The following SLC3A1 variants were observed in gnomAD, a reference collection of about 807,000 sequenced individuals.
The protein encoded by SLC3A1 is solute carrier family 3 member 1, also known as amino acid transporter heavy chain SLC3A1.
SLC3A1 carries 78 observed loss-of-function variants against 60.3 expected under a neutral mutation model. That is an observed-to-expected ratio of 1.29 (90% CI 1.08 to 1.56). SLC3A1 has a LOEUF of 1.56. Ranked by LOEUF, SLC3A1 falls within the 40% of genes most tolerant of loss-of-function variation. The pLI, the probability that SLC3A1 is intolerant of heterozygous loss-of-function variation, is 0.00. For missense variants in SLC3A1, 1,172 were observed against 858.9 expected (o/e 1.36, Z -4.56); for synonymous variants, 392 against 307.9 (o/e 1.27, Z -2.86).
At chr2:44,317,084 G>C (rs1296922726) in intron 9 of SLC3A1, among the ~76,000 whole-genome samples, 1 of 152,108 alleles carries the variant, frequency 6.6e-6, no homozygotes, top group Non-Finnish European at 1.5e-5. Flanking sequence ...AGCAGTGTTT[G>C]TTTTGCACAG....
intron 4 of SLC3A1, among the ~76,000 whole-genome samples, chr2:44,291,622 G>A (rs1332624984): frequency 6.6e-6 from 1 of 152,138 alleles, no homozygotes; most frequent in East Asian, 1.9e-4. Flanking sequence ...TGGCATGAAG[G>A]AGACTTCTGT....
chr2:44,306,697 G>T (rs1398808666), intron 7 of SLC3A1, among the ~76,000 whole-genome samples: 2 of 151,232 alleles, frequency 1.3e-5, no homozygotes, highest in African/African-American at 4.9e-5. Flanking sequence ...GGGATTACAG[G>T]TGCCCACCAC....
At position 44,284,059 on chromosome 2, in the gene SLC3A1, A is replaced by G. The variant is rs545787527; in HGVS notation, c.766-1973A>G. Reference sequence around the variant, plus strand: ...TTACTATAAACACTGTCATTAATCTATCTTGGGGTACATGTGCAAGGGCTT... The same window carrying G: ...TTACTATAAACACTGTCATTAATCTGTCTTGGGGTACATGTGCAAGGGCTT... On this transcript the variant is annotated intron_variant, in intron 3 of 9. Transcript: ENST00000260649. 2.4e-4 allele frequency among the ~76,000 whole-genome samples: 36 copies of G among 152,138 alleles called. No individual in the cohort carries two copies. The South Asian group carries it at 7.5e-3, about 32-fold the overall frequency.
intron 1 of SLC3A1, among the ~76,000 whole-genome samples, chr2:44,279,849 C>A (rs1475626064): frequency 6.6e-6 from 1 of 152,144 alleles, no homozygotes; most frequent in Admixed American, 6.5e-5. Flanking sequence ...AGGCACGTGC[C>A]ACCATGCCCG....
Position 44,300,014 on chromosome 2 carries a change from G to GTTT in SLC3A1, c.936_938dup (p.Ser312_Leu313insPhe). ...CTCACAAAGGGTGTTGATGGTTTTAGTTTGGATGCTGTTAAATTCCTCCTA... is the reference window on the plus strand; with the variant it reads ...CTCACAAAGGGTGTTGATGGTTTTAGTTTTTTGGATGCTGTTAAATTCCTCCTA... On this transcript the variant is annotated inframe_insertion, in exon 5 of 10. Transcript: ENST00000260649. 6.2e-7 allele frequency: 1 copy of GTTT among 1,613,986 alleles called. No homozygotes were observed.
chr2:44,320,719 G>GTA lies in SLC3A1; in HGVS notation c.*80_*81insTA. 2 of 1,074,122 alleles carry GTA rather than the reference G, an allele frequency of 1.9e-6. No individual in the cohort carries two copies. The highest frequency in any genetic ancestry group is 2.9e-6 in the Non-Finnish European group (2 of 693,168). The allele number at this position is 1,074,122 out of a possible 1,614,324, so 66.5% of individuals were successfully genotyped here. A position where few individuals can be genotyped will look rare whatever the true frequency, so the allele number is the denominator to read the frequency against. On this transcript the variant is annotated 3_prime_UTR_variant, in exon 10 of 10. Coordinates refer to ENST00000260649, the MANE Select transcript of SLC3A1 (RefSeq NM_000341.4). ...GTAATAGCTTCATGTACAGCATGCTGCTTGGTGAACAATCATTAATTCTTC... is the reference window on the plus strand; with the variant it reads ...GTAATAGCTTCATGTACAGCATGCTGTACTTGGTGAACAATCATTAATTCTTC...
chr2:44,283,018 C>T (rs1572791869), intron 3 of SLC3A1, among the ~76,000 whole-genome samples: 1 of 152,016 alleles, frequency 6.6e-6, no homozygotes, highest in African/African-American at 2.4e-5. Flanking sequence ...TGTAACTGGG[C>T]ATCCTGCACT....
intron 4 of SLC3A1, among the ~76,000 whole-genome samples, chr2:44,298,150 C>T (rs1056046657): frequency 1.3e-5 from 2 of 151,502 alleles, no homozygotes; most frequent in East Asian, 3.9e-4. Context: ...TGAGGAAATG[C>T]CATACTATAC....
intron 9 of SLC3A1, chr2:44,318,013 AT>A: frequency 5.6e-6 from 2 of 359,842 alleles, no homozygotes; most frequent in South Asian, 4.0e-5. Flanking sequence ...AAATGAAGTT[AT>A]CTTTTGACCT....
chr2:44,314,032 G>A (rs1436271791), intron 9 of SLC3A1, 81 bp downstream of exon 9: 1 of 1,599,960 alleles, frequency 6.3e-7, no homozygotes, highest in Non-Finnish European at 8.5e-7. Context: ...CACCCTGAAT[G>A]TGTCTAAACC....
intron 7 of SLC3A1, among the ~76,000 whole-genome samples, chr2:44,310,207 A>G (rs1032307339): frequency 2.6e-5 from 4 of 152,084 alleles, no homozygotes; most frequent in African/African-American, 9.7e-5. Flanking sequence ...ATCATATAGT[A>G]CTTCTGTGAT....
chr2:44,282,595 A>G (rs551239998), intron 3 of SLC3A1, among the ~76,000 whole-genome samples: 1 of 152,172 alleles, frequency 6.6e-6, no homozygotes, highest in South Asian at 2.1e-4. Flanking sequence ...TTGGACAAGC[A>G]GTGCATAAAA....
At chr2:44,307,765 C>A (rs138006070) in intron 7 of SLC3A1, among the ~76,000 whole-genome samples, 2 of 152,118 alleles carry the variant, frequency 1.3e-5, no homozygotes, top group African/African-American at 4.8e-5. Flanking sequence ...GTATTTTCTC[C>A]CATTCTGTGG....
chr2:44,284,055 A>G lies in SLC3A1; in HGVS notation c.766-1977A>G, dbSNP rs1199083667. Among the ~76,000 whole-genome samples the G allele has an allele frequency of 4.6e-5, 7 of 152,044 alleles. No homozygotes were observed. The East Asian group carries it at 1.2e-3, about 25-fold the overall frequency. On this transcript the variant is annotated intron_variant, in intron 3 of 9. Transcript: ENST00000260649. ...AATGTTACTATAAACACTGTCATTA[A>G]TCTATCTTGGGGTACATGTGCAAGG...
At chr2:44,279,173 A>G (rs983321890) in intron 1 of SLC3A1, among the ~76,000 whole-genome samples, 3 of 151,584 alleles carry the variant, frequency 2.0e-5, no homozygotes, top group Non-Finnish European at 1.5e-5. Context: ...TAATTTTTGT[A>G]TTTTTTAGTA....
intron 6 of SLC3A1, among the ~76,000 whole-genome samples, chr2:44,301,968 T>A (rs988119626): frequency 6.6e-6 from 1 of 152,108 alleles, no homozygotes; most frequent in African/African-American, 2.4e-5. Flanking sequence ...GGCAGGAGAA[T>A]TGCTTGAACC....
At chr2:44,290,921 C>A (rs1671728208) in intron 4 of SLC3A1, among the ~76,000 whole-genome samples, 1 of 152,148 alleles carries the variant, frequency 6.6e-6, no homozygotes, top group South Asian at 2.1e-4. Context: ...CTCCTTATCA[C>A]CCACGCCTCA....
intron 7 of SLC3A1, among the ~76,000 whole-genome samples, chr2:44,304,636 T>C (rs532284944): frequency 5.3e-5 from 8 of 152,164 alleles, no homozygotes; most frequent in South Asian, 4.2e-4. Context: ...GAGTTTATGA[T>C]GTCAATGGGA....
At chr2:44,292,942 T>C (rs1161117355) in intron 4 of SLC3A1, among the ~76,000 whole-genome samples, 1 of 151,860 alleles carries the variant, frequency 6.6e-6, no homozygotes, top group Non-Finnish European at 1.5e-5. Context: ...GGGGTTTGAG[T>C]AGGGCAGGTT....
Sources: allele counts gnomAD v4.1 joint callset (sites outside exome capture counted in the v4.1 genomes callset), GRCh38; gene constraint gnomAD v4.1.1; transcripts MANE v1.5; gene names NCBI Gene and HGNC (gene_info 2026-07-23, HGNC 2026-07-21).